Variants in AKAP17A observed in about 807,000 individuals in gnomAD.
AKAP17A encodes A-kinase anchor protein 17A.
Under a neutral mutation model 52.2 loss-of-function variants are expected in AKAP17A, and 15 were observed. That is an observed-to-expected ratio of 0.29 (90% CI 0.19 to 0.44). AKAP17A has a LOEUF of 0.44. Ranked by LOEUF, AKAP17A falls within the 20% of genes least tolerant of loss-of-function variation. The probability of loss-of-function intolerance (pLI) is 1.00; values close to 1 mark genes in which losing one functional copy is unlikely to be tolerated. For synonymous variants in AKAP17A, 514 were observed against 424.7 expected (o/e 1.21, Z -2.58); for missense variants, 1,060 against 1,007.0 (o/e 1.05, Z -0.71).
chrX:1,599,435 A>AC lies in AKAP17A; in HGVS notation c.1152+6dup, dbSNP rs1282978158. 1 of 1,557,954 alleles carries AC rather than the reference A, an allele frequency of 6.4e-7. No individual in the cohort carries two copies. Among genetic ancestry groups the AC allele is most frequent in the African/African-American group, 1.4e-5 (1 of 73,324 alleles). On this transcript the variant is annotated splice_donor_region_variant and intron_variant, in intron 4 of 4. Coordinates refer to ENST00000313871, the MANE Select transcript of AKAP17A (RefSeq NM_005088.3). ...CCGAGCTGCTCAGCAGAGCCAAGGT[A>AC]CCCGGGGGCTCCCTCTGCAGCCGCC...
chrX:1,598,173 C>T (rs1402293728), intron 3 of AKAP17A, among the ~76,000 whole-genome samples: 5 of 152,078 alleles, frequency 3.3e-5, no homozygotes, highest in African/African-American at 1.2e-4. Flanking sequence ...CCTGAGCCGC[C>T]CTCCGAGCTC....
In AKAP17A at chrX:1,593,858, C is replaced by G; in HGVS notation, c.396C>G (p.Arg132=). ...PTRHDWDSFF[R]DAKDMNETLP... ...GCCACGACTGGGACTCCTTCTTCCGCGACGCCAAGGACATGAACGAGACCC... is the reference window on the plus strand; with the variant it reads ...GCCACGACTGGGACTCCTTCTTCCGGGACGCCAAGGACATGAACGAGACCC... The change falls in exon 2 of 5, where the codon CGC becomes CGG. Residue 132 remains arginine, a synonymous_variant. Coordinates refer to ENST00000313871, the MANE Select transcript of AKAP17A (RefSeq NM_005088.3). 3 of 1,612,428 alleles carry G rather than the reference C, an allele frequency of 1.9e-6. No individual in the cohort carries two copies. The highest frequency in any genetic ancestry group is 1.7e-6 in the Non-Finnish European group (2 of 1,178,980).
Position 1,600,821 on chromosome X carries a change from C to T in AKAP17A, c.1315C>T (p.Leu439=), listed in dbSNP as rs1433425706. 3 of 1,592,226 alleles carry T rather than the reference C, an allele frequency of 1.9e-6. No individual in the cohort carries two copies. The highest frequency in any genetic ancestry group is 1.7e-6 in the Non-Finnish European group (2 of 1,173,888). Residue 439 remains leucine (L), a synonymous_variant, in exon 5 of 5, where the codon CTG becomes TTG. Transcript: ENST00000313871. The part of the protein sequence containing the change: ...RKERELRERL[L]SILLSKKPDD... ...AGAGCGGGAGCTGCGCGAGCGGCTG[C>T]TGAGCATCCTGCTGAGCAAGAAGCC... is the stretch of plus-strand genomic sequence containing the variant.
At chrX:1,592,295 A>G (rs1350186004) in intron 1 of AKAP17A, among the ~76,000 whole-genome samples, 5 of 151,292 alleles carry the variant, frequency 3.3e-5, no homozygotes, top group African/African-American at 9.7e-5. Context: ...GGGCCTGAGA[A>G]TGTGTGGGGC....
chrX:1,598,363 C>G (rs756018526), intron 3 of AKAP17A, among the ~76,000 whole-genome samples: 2 of 152,258 alleles, frequency 1.3e-5, no homozygotes, highest in African/African-American at 2.4e-5. Context: ...CCTCCTTGTC[C>G]CCGTGTCTCC....
Position 1,595,523 on chromosome X carries a change from C to A in AKAP17A, c.902C>A (p.Ala301Glu). 6.2e-7 allele frequency: 1 copy of A among 1,613,774 alleles called. No individual in the cohort carries two copies. The highest frequency in any genetic ancestry group is 8.5e-7 in the Non-Finnish European group (1 of 1,179,848). ...REKEAEERQR[A>E]EERKQKELEE... Reference sequence around the variant, plus strand: ...AAGGAAGCGGAGGAGAGGCAGCGAGCGGAGGAAAGGTACCTTCTGCGGGAG... The same window carrying A: ...AAGGAAGCGGAGGAGAGGCAGCGAGAGGAGGAAAGGTACCTTCTGCGGGAG... Residue 301 changes from alanine to glutamate, a missense_variant, in exon 3 of 5, where the codon GCG becomes GAG. Physicochemically the swap from Ala to Glu is moderately radical, Grantham distance 107. This residue lies in a region of AKAP17A where 793 missense variants were observed against 629.9 expected (regional missense o/e 1.26). Coordinates refer to ENST00000313871, the MANE Select transcript of AKAP17A (RefSeq NM_005088.3).
intron 1 of AKAP17A, among the ~76,000 whole-genome samples, chrX:1,592,823 C>G (rs377513680): frequency 6.6e-6 from 1 of 152,128 alleles, no homozygotes; most frequent in African/African-American, 2.4e-5. Context: ...GGGACTCCGG[C>G]CCCTAACTTG....
At position 1,601,158 on chromosome X, in the gene AKAP17A, C is replaced by T. The variant is rs753470441; in HGVS notation, c.1652C>T (p.Pro551Leu). The T allele has an allele frequency of 7.4e-6, 12 of 1,613,742 alleles. No homozygotes were observed. The highest frequency in any genetic ancestry group is 1.0e-5 in the Non-Finnish European group (12 of 1,179,738). The change falls in exon 5 of 5, where the codon CCT becomes CTT. Residue 551 changes from proline (P) to leucine (L), a missense_variant. By Grantham distance (98) the Pro-to-Leu change is moderately conservative. Around this residue, in one of 2 missense-constraint regions of AKAP17A, gnomAD observed 793 missense variants for 629.9 expected, o/e 1.26. Transcript: ENST00000313871. ...RCPGGVLSCIPDNNQQPKGIP... is the reference protein window; with the variant it reads ...RCPGGVLSCILDNNQQPKGIP... The stretch of plus-strand genomic sequence containing the variant: ...CCGGGCGGCGTCCTCTCCTGCATTC[C>T]TGACAACAACCAACAGCCCAAGGGC...
intron 4 of AKAP17A, chrX:1,599,756 G>A: frequency 1.6e-6 from 1 of 611,590 alleles, no homozygotes; most frequent in Non-Finnish European, 2.9e-6. Flanking sequence ...AGTGCAGGGG[G>A]CCGCTCCCTC....
chrX:1,598,135 C>T (rs1377014717), intron 3 of AKAP17A, among the ~76,000 whole-genome samples: 2 of 152,230 alleles, frequency 1.3e-5, no homozygotes, highest in East Asian at 1.9e-4. Flanking sequence ...GTGGGTCCCG[C>T]CTAAGGGCGT....
intron 3 of AKAP17A, among the ~76,000 whole-genome samples, chrX:1,597,138 TTGA>T (rs1933042519): frequency 6.6e-6 from 1 of 152,170 alleles, no homozygotes. Flanking sequence ...TGCCAGCGTG[TTGA>T]TGTGTGTGGC....
At chrX:1,595,243 G>C (rs1932922059) in intron 2 of AKAP17A, 141 bp from the exon 3 acceptor site, 1 of 197,390 alleles carries the variant, frequency 5.1e-6, no homozygotes, top group South Asian at 9.6e-5. Flanking sequence ...GTCTGCACCG[G>C]ACATGAGTGG....
chrX:1,599,092 G>C (rs766241018), intron 3 of AKAP17A, 100 bp from the exon 4 acceptor site: 17 of 1,521,140 alleles, frequency 1.1e-5, no homozygotes, highest in Non-Finnish European at 1.3e-5. Context: ...TTAATCGTTG[G>C]ACCGTGGCCT....
chrX:1,596,449 CATCCCTCCCACCCTCCTAGTGAGGTGGAT>C (rs1376283745), intron 3 of AKAP17A, among the ~76,000 whole-genome samples: 30 of 107,176 alleles, frequency 2.8e-4, no homozygotes, highest in African/African-American at 1.0e-3. Flanking sequence ...CCTCCTCCTC[CATCCCTCCCACCCTCCTAGTGAGGTGGAT>C]TCCTCCTCCT....
intron 3 of AKAP17A, among the ~76,000 whole-genome samples, chrX:1,595,944 C>A (rs1180198092): frequency 1.3e-5 from 2 of 152,118 alleles, no homozygotes; most frequent in African/African-American, 4.8e-5. Context: ...GTGTGCAGGC[C>A]TGTGGGTGCT....
intron 4 of AKAP17A, chrX:1,600,365 G>C (rs1418236255): frequency 1.6e-6 from 1 of 638,902 alleles, no homozygotes; most frequent in Non-Finnish European, 2.6e-6. Context: ...TCCCGGCAGG[G>C]CTCGGCTCTG....
Position 1,601,023 on chromosome X carries a change from A to G in AKAP17A, c.1517A>G (p.Asp506Gly). The stretch of plus-strand genomic sequence containing the variant: ...GAGAGCCCGGCCCACCCAGAGGCCG[A>G]CGGCGCTCCCAAAAGCGTGAACGGG... Reference protein sequence around the residue: ...PKESPAHPEADGAPKSVNGSV... With the variant: ...PKESPAHPEAGGAPKSVNGSV... Residue 506 changes from aspartate to glycine, a missense_variant, in exon 5 of 5, where the codon GAC becomes GGC. Asp to Gly is a moderately conservative substitution (Grantham distance 94, BLOSUM62 -1). Coordinates refer to ENST00000313871, the MANE Select transcript of AKAP17A (RefSeq NM_005088.3). The G allele has an allele frequency of 6.2e-7, 1 of 1,610,992 alleles. No homozygotes were observed. The highest frequency in any genetic ancestry group is 8.5e-7 in the Non-Finnish European group (1 of 1,179,162).
chrX:1,598,877 T>A (rs1233956898), intron 3 of AKAP17A, among the ~76,000 whole-genome samples: 1 of 152,218 alleles, frequency 6.6e-6, no homozygotes, highest in Non-Finnish European at 1.5e-5. Flanking sequence ...CCCGTCCGTC[T>A]GCCCATCCGT....
In AKAP17A at chrX:1,601,944, T is replaced by A; in HGVS notation, c.*350T>A. ...TCCCCCACACGGGGATTTCTGTGTC[T>A]GCTTGGCGACCTCCCTGCGTGCACG... On this transcript the variant is annotated 3_prime_UTR_variant, in exon 5 of 5. Transcript: ENST00000313871. The A allele has an allele frequency of 3.8e-6, 1 of 265,814 alleles. No individual in the cohort carries two copies. The allele number at this position is 265,814 out of a possible 1,614,324, so 16.5% of individuals were successfully genotyped here.
Sources: gnomAD v4.1 joint callset for allele counts (sites outside exome capture counted in the v4.1 genomes callset) on GRCh38, gnomAD v4.1.1 for gene constraint, gnomAD v4.1.1 regional missense constraint, MANE v1.5 for transcripts, NCBI Gene and HGNC (gene_info 2026-07-23, HGNC 2026-07-21) for gene names.